DRC11: variants seen among roughly 807,000 people sequenced by gnomAD.
DRC11 encodes dynein regulatory complex subunit 11, also known as IQ and AAA domain-containing protein 1.
the DRC11 span, among the ~76,000 whole-genome samples, chr2:236,315,959 G>C: frequency 6.6e-6 from 1 of 152,100 alleles, no homozygotes; most frequent in East Asian, 1.9e-4. The surrounding 1 kb of genome is among the most constrained non-coding windows in gnomAD (Gnocchi z 5.1). Flanking sequence ...ATTTACCTAT[G>C]TAACAAACCT....
chr2:236,475,473 CCTTT>C, the DRC11 span, among the ~76,000 whole-genome samples: 4 of 152,116 alleles, frequency 2.6e-5, no homozygotes. This position sits in a 1 kb window ranked among gnomAD's most constrained non-coding sequence, Gnocchi z 4.8. Context: ...GTATTGGTCT[CCTTT>C]CTTTTTGATA....
At chr2:236,426,398 C>A in the DRC11 span, among the ~76,000 whole-genome samples, 3 of 151,956 alleles carry the variant, frequency 2.0e-5, no homozygotes, top group Non-Finnish European at 4.4e-5. The surrounding 1 kb of genome is among the most constrained non-coding windows in gnomAD (Gnocchi z 4.1). Flanking sequence ...AAGAATGTTA[C>A]TATAAATGGG....
chr2:236,367,945 T>C, the DRC11 span: 6 of 520,798 alleles, frequency 1.2e-5, no homozygotes. The surrounding 1 kb of genome is among the most constrained non-coding windows in gnomAD (Gnocchi z 4.8). Flanking sequence ...CCCCAGCTCA[T>C]TGCCTGTATG....
At chr2:236,493,812 G>C in the DRC11 span, 1 of 1,607,700 alleles carries the variant, frequency 6.2e-7, no homozygotes, top group Non-Finnish European at 8.5e-7. Context: ...ATTTGAGCAA[G>C]AATTTTCTCT....
chr2:236,486,776 C>T, the DRC11 span: 1 of 1,171,906 alleles, frequency 8.5e-7, no homozygotes. The surrounding 1 kb of genome is among the most constrained non-coding windows in gnomAD (Gnocchi z 5.7). Flanking sequence ...CACAGTCTCA[C>T]ATATTCTATT....
At chr2:236,372,086 T>C in the DRC11 span, among the ~76,000 whole-genome samples, 1 of 152,200 alleles carries the variant, frequency 6.6e-6, no homozygotes, top group African/African-American at 2.4e-5. The surrounding 1 kb of genome is among the most constrained non-coding windows in gnomAD (Gnocchi z 4.5). Context: ...CTGAGAATAC[T>C]TGCCAGAGGT....
the DRC11 span, among the ~76,000 whole-genome samples, chr2:236,446,903 G>A: frequency 2.7e-5 from 4 of 147,802 alleles, no homozygotes; most frequent in Non-Finnish European, 2.9e-5. The surrounding 1 kb of genome is among the most constrained non-coding windows in gnomAD (Gnocchi z 6.2). Flanking sequence ...CCCTGACTGC[G>A]GCTGCTGGGC....
the DRC11 span, among the ~76,000 whole-genome samples, chr2:236,367,117 G>GC: frequency 0.19 from 27,901 of 150,656 alleles, 2,857 homozygotes; most frequent in Non-Finnish European, 0.23. The surrounding 1 kb of genome is among the most constrained non-coding windows in gnomAD (Gnocchi z 4.8). Flanking sequence ...ACTATGCCTG[G>GC]CTCACTGGTG....
At chr2:236,449,991 G>A in the DRC11 span, among the ~76,000 whole-genome samples, 2 of 152,190 alleles carry the variant, frequency 1.3e-5, no homozygotes, top group East Asian at 1.9e-4. The surrounding 1 kb of genome is among the most constrained non-coding windows in gnomAD (Gnocchi z 5.1). Flanking sequence ...GCGAGAAGCT[G>A]TCCACCTGGA....
the DRC11 span, among the ~76,000 whole-genome samples, chr2:236,495,895 G>C: frequency 6.6e-6 from 1 of 152,152 alleles, no homozygotes; most frequent in Non-Finnish European, 1.5e-5. This position sits in a 1 kb window ranked among gnomAD's most constrained non-coding sequence, Gnocchi z 5.6. Flanking sequence ...CGGCAACAAT[G>C]GCATGTCCTT....
At chr2:236,414,915 G>A in the DRC11 span, among the ~76,000 whole-genome samples, 1 of 152,010 alleles carries the variant, frequency 6.6e-6, no homozygotes, top group African/African-American at 2.4e-5. Flanking sequence ...CACTCCACTA[G>A]CCCTGCAATA....
At chr2:236,393,319 C>G in the DRC11 span, among the ~76,000 whole-genome samples, 1 of 152,104 alleles carries the variant, frequency 6.6e-6, no homozygotes, top group African/African-American at 2.4e-5. The surrounding 1 kb of genome is among the most constrained non-coding windows in gnomAD (Gnocchi z 4.7). Flanking sequence ...CTCTAAGGGA[C>G]AAGGGCTGCC....
the DRC11 span, among the ~76,000 whole-genome samples, chr2:236,357,686 T>C: frequency 1.1e-5 from 1 of 87,330 alleles, no homozygotes; most frequent in Non-Finnish European, 2.6e-5. Context: ...ATATTTACAA[T>C]ATGTAAATAT....
At chr2:236,401,239 C>A in the DRC11 span, among the ~76,000 whole-genome samples, 4 of 152,154 alleles carry the variant, frequency 2.6e-5, no homozygotes, top group Non-Finnish European at 5.9e-5. This position sits in a 1 kb window ranked among gnomAD's most constrained non-coding sequence, Gnocchi z 4.6. Flanking sequence ...CAAGGCCACC[C>A]TCCCTGCACC....
chr2:236,343,991 G>T, the DRC11 span, among the ~76,000 whole-genome samples: 1 of 151,930 alleles, frequency 6.6e-6, no homozygotes, highest in Non-Finnish European at 1.5e-5. The surrounding 1 kb of genome is among the most constrained non-coding windows in gnomAD (Gnocchi z 6.6). Flanking sequence ...GGTGCAAATT[G>T]ATGTGGAATA....
chr2:236,489,743 T>A, the DRC11 span, among the ~76,000 whole-genome samples: 2 of 152,098 alleles, frequency 1.3e-5, no homozygotes, highest in Non-Finnish European at 2.9e-5. Flanking sequence ...GGCAAAGCGG[T>A]GAGACCCCGT....
chr2:236,363,791 C>T, the DRC11 span: 1 of 1,612,006 alleles, frequency 6.2e-7, no homozygotes, highest in Non-Finnish European at 8.5e-7. The surrounding 1 kb of genome is among the most constrained non-coding windows in gnomAD (Gnocchi z 5.6). Context: ...TTGAAGACTG[C>T]ATGCAGCATC....
chr2:236,324,793 A>C, the DRC11 span: 1 of 1,589,142 alleles, frequency 6.3e-7, no homozygotes, highest in African/African-American at 1.3e-5. This position sits in a 1 kb window ranked among gnomAD's most constrained non-coding sequence, Gnocchi z 5.7. Flanking sequence ...TCTGAAATAC[A>C]ATAGAAGTTT....
the DRC11 span, among the ~76,000 whole-genome samples, chr2:236,418,936 TCCTAATTGATA>T: frequency 6.6e-6 from 1 of 152,334 alleles, no homozygotes; most frequent in South Asian, 2.1e-4. Flanking sequence ...TCACGATTGA[TCCTAATTGATA>T]CTTACAAGTT....
Sources: gnomAD v4.1 joint callset for allele counts (sites outside exome capture counted in the v4.1 genomes callset) on GRCh38, gnomAD v4.1.1 for gene constraint, Gnocchi (gnomAD v3.1) non-coding constraint, MANE v1.5 for transcripts, NCBI Gene and HGNC (gene_info 2026-07-23, HGNC 2026-07-21) for gene names.